The following PTPRD variants were observed in gnomAD, a reference collection of about 807,000 sequenced individuals.
The protein encoded by PTPRD is receptor-type tyrosine-protein phosphatase delta.
In PTPRD, 34 loss-of-function variants were observed where a neutral mutation model predicts 214.5. The ratio of observed to expected loss-of-function variants is 0.16; its 90% CI spans 0.12 to 0.21. The LOEUF (loss-of-function observed/expected upper bound fraction) is 0.21. Ranked by LOEUF, PTPRD falls within the 10% of genes least tolerant of loss-of-function variation. The probability of loss-of-function intolerance (pLI) is 1.00; values close to 1 mark genes in which losing one functional copy is unlikely to be tolerated. For missense variants in PTPRD, 2,545 were observed against 2,398.7 expected, an observed-to-expected ratio of 1.06 and a Z score of -1.27; for synonymous variants, 1,128 against 845.7, an observed-to-expected ratio of 1.33 and a Z score of -5.79.
intron 5 of PTPRD, among the ~76,000 whole-genome samples, chr9:9,779,078 C>CCAAAAA (rs1282567404): frequency 3.7e-4 from 17 of 45,486 alleles, no homozygotes; most frequent in East Asian, 6.4e-4. Context: ...ATAAGACTGA[C>CCAAAAA]AAAAAAAAAA....
At chr9:9,423,724 C>A (rs2079725868) in intron 8 of PTPRD, among the ~76,000 whole-genome samples, 2 of 152,028 alleles carry the variant, frequency 1.3e-5, no homozygotes, top group South Asian at 2.1e-4. Flanking sequence ...CAAAAAACTG[C>A]AGTAACTATA....
chr9:8,805,724 G>A (rs969795263), intron 11 of PTPRD, among the ~76,000 whole-genome samples: 7 of 151,150 alleles, frequency 4.6e-5, no homozygotes, highest in Admixed American at 6.6e-5. Context: ...TGCTGGGCAC[G>A]GTGGGTCACA....
intron 9 of PTPRD, among the ~76,000 whole-genome samples, chr9:9,202,354 T>G (rs1465319804): frequency 2.0e-5 from 3 of 152,236 alleles, no homozygotes; most frequent in African/African-American, 7.2e-5. Flanking sequence ...CCTGATATGT[T>G]TATGACATTT....
At chr9:9,925,318 A>T (rs1034833430) in intron 5 of PTPRD, among the ~76,000 whole-genome samples, 7 of 152,074 alleles carry the variant, frequency 4.6e-5, no homozygotes, top group African/African-American at 1.7e-4. Flanking sequence ...CCTCTCCAGA[A>T]AAACAAAAAT....
chr9:10,566,616 T>C (rs576296703), intron 2 of PTPRD, among the ~76,000 whole-genome samples: 116 of 152,144 alleles, frequency 7.6e-4, no homozygotes, highest in African/African-American at 2.2e-3. Flanking sequence ...ATTGGAAATA[T>C]GTTTTCTCAT....
intron 9 of PTPRD, among the ~76,000 whole-genome samples, chr9:9,252,233 C>T (rs189632813): frequency 6.6e-6 from 1 of 152,082 alleles, no homozygotes; most frequent in Non-Finnish European, 1.5e-5. Flanking sequence ...AGCATACTTC[C>T]CTTTTGTACA....
intron 8 of PTPRD, among the ~76,000 whole-genome samples, chr9:9,515,381 A>C (rs939592145): frequency 2.6e-5 from 4 of 152,120 alleles, no homozygotes; most frequent in African/African-American, 7.2e-5. Context: ...TTTAATCTTA[A>C]GGGGGCACTA....
At chr9:10,100,701 A>G (rs770500921) in intron 3 of PTPRD, among the ~76,000 whole-genome samples, 16 of 151,662 alleles carry the variant, frequency 1.1e-4, no homozygotes, top group Admixed American at 3.3e-4. Flanking sequence ...ATTGGGAAGT[A>G]AGAAGAATGA....
intron 3 of PTPRD, among the ~76,000 whole-genome samples, chr9:10,086,188 G>C (rs180675923): frequency 6.6e-6 from 1 of 151,908 alleles, no homozygotes; most frequent in East Asian, 2.0e-4. Context: ...AAGTCTAATA[G>C]TAAAAATCCT....
chr9:9,660,450 T>C (rs1021856243), intron 7 of PTPRD, among the ~76,000 whole-genome samples: 4 of 151,960 alleles, frequency 2.6e-5, no homozygotes, highest in African/African-American at 7.2e-5. Flanking sequence ...CTTTGAGTGA[T>C]GGGATCTTGA....
In PTPRD at chr9:10,160,483, G is replaced by A. The variant is rs757483073; in HGVS notation, c.-544-126693C>T. Among the ~76,000 whole-genome samples, 83 of 151,652 alleles carry A rather than the reference G, an allele frequency of 5.5e-4. 1 individual carries two copies. Among genetic ancestry groups the A allele is most frequent in the Non-Finnish European group, 3.2e-4 (22 of 67,804 alleles). On this transcript the variant is annotated intron_variant, in intron 3 of 45. Transcript: ENST00000381196. ...GCAGAACCAAGAACAAAAACCATAT[G>A]GTTATTTTAATAGATACCAAAAAAG...
chr9:8,716,173 C>G (rs527548059), intron 12 of PTPRD, among the ~76,000 whole-genome samples: 122 of 152,264 alleles, frequency 8.0e-4, no homozygotes, highest in African/African-American at 2.8e-3. Flanking sequence ...TGGATGAAAC[C>G]AGGAGAAGAG....
In PTPRD at chr9:10,399,974, A is replaced by G. The variant is rs188775911; in HGVS notation, c.-599-58957T>C. ...CAATGGGAAACCATAAATCATTAAAAGTAGGGGAGTAACATCAGATTTTTA... is the reference window on the plus strand; with the variant it reads ...CAATGGGAAACCATAAATCATTAAAGGTAGGGGAGTAACATCAGATTTTTA... On this transcript the variant is annotated intron_variant, in intron 2 of 45. Coordinates refer to ENST00000381196, the MANE Select transcript of PTPRD (RefSeq NM_002839.4). Among the ~76,000 whole-genome samples the G allele has an allele frequency of 8.5e-4, 129 of 151,978 alleles. 1 individual carries two copies. Among genetic ancestry groups the G allele is most frequent in the African/African-American group, 3.0e-3 (126 of 41,540 alleles).
intron 5 of PTPRD, among the ~76,000 whole-genome samples, chr9:9,783,687 CT>C (rs1176640221): frequency 1.3e-5 from 2 of 152,060 alleles, no homozygotes; most frequent in Non-Finnish European, 2.9e-5. Context: ...CCTCTACCTT[CT>C]TTTGCCAGTT....
At chr9:9,339,320 T>TA (rs558687690) in intron 9 of PTPRD, among the ~76,000 whole-genome samples, 31,386 of 139,920 alleles carry the variant, frequency 0.22, 4,115 homozygotes, top group African/African-American at 0.37. Flanking sequence ...TACTAAAAAT[T>TA]AAAAAAAAAA....
At chr9:8,795,379 G>A (rs2096381982) in intron 11 of PTPRD, among the ~76,000 whole-genome samples, 1 of 152,066 alleles carries the variant, frequency 6.6e-6, no homozygotes, top group Non-Finnish European at 1.5e-5. Flanking sequence ...GGTTGGCCAT[G>A]CTGATCTCGA....
chr9:9,714,219 G>A (rs1234050130), intron 7 of PTPRD, among the ~76,000 whole-genome samples: 3 of 152,030 alleles, frequency 2.0e-5, no homozygotes, highest in East Asian at 1.9e-4. Flanking sequence ...TTTTACCATG[G>A]GGCTATAGCA....
chr9:9,804,278 T>C (rs1313186779), intron 5 of PTPRD, among the ~76,000 whole-genome samples: 1 of 152,056 alleles, frequency 6.6e-6, no homozygotes, highest in East Asian at 1.9e-4. Context: ...TTTCATAAAA[T>C]AGCAGTACAC....
intron 5 of PTPRD, among the ~76,000 whole-genome samples, chr9:9,868,217 G>A (rs941019821): frequency 6.6e-6 from 1 of 152,062 alleles, no homozygotes; most frequent in Non-Finnish European, 1.5e-5. Flanking sequence ...GAAAGAGAAA[G>A]ATCAAAGATA....
Sources: allele counts gnomAD v4.1 joint callset (sites outside exome capture counted in the v4.1 genomes callset), GRCh38; gene constraint gnomAD v4.1.1; transcripts MANE v1.5; gene names NCBI Gene and HGNC (gene_info 2026-07-23, HGNC 2026-07-21).